TCERG1: variants seen among roughly 807,000 people sequenced by gnomAD.
TCERG1 encodes transcription elongation regulator 1, also known as TATA box binding protein (TBP)-associated factor, RNA polymerase II, S, 150kD.
A neutral mutation model predicts 144.7 loss-of-function variants in TCERG1; 37 were observed. The observed-to-expected ratio is 0.26, with a 90% CI of 0.20 to 0.34. The LOEUF is 0.34. Among genes scored for constraint, TCERG1 ranks in the 10% least tolerant of loss-of-function variants. TCERG1 has a pLI of 1.00. For synonymous variants in TCERG1, 492 were observed against 458.2 expected, an observed-to-expected ratio of 1.07 and a Z score of -0.94; for missense variants, 1,027 against 1,380.7, an observed-to-expected ratio of 0.74 and a Z score of 4.06.
chr5:146,463,094 A>G (rs1581410971), intron 4 of TCERG1, among the ~76,000 whole-genome samples: 2 of 151,930 alleles, frequency 1.3e-5, no homozygotes, highest in African/African-American at 4.8e-5. Context: ...CACACAACTC[A>G]CTAGTTTTGT....
chr5:146,485,937 C>T (rs1022471732), intron 15 of TCERG1, among the ~76,000 whole-genome samples: 4 of 152,170 alleles, frequency 2.6e-5, no homozygotes, highest in African/African-American at 7.2e-5. Flanking sequence ...TCAAGTAATC[C>T]GCCTGCCTTG....
rs763231867 is a variant in TCERG1 at position 146,509,246 on chromosome 5, G to T, written c.3146+1G>T. ...AAGAGACCAAATTTATAACATATAG[G>T]TGTGTGCAATGAAATGTTTCATATT... On this transcript the variant is annotated splice_donor_variant, in intron 22 of 22. Transcript: ENST00000679501. LOFTEE classifies it high-confidence loss of function. 6.3e-7 allele frequency: 1 copy of T among 1,589,866 alleles called. No homozygotes were observed. Among genetic ancestry groups the T allele is most frequent in the South Asian group, 1.1e-5 (1 of 88,048 alleles).
intron 14 of TCERG1, 140 bp from the exon 15 acceptor site, chr5:146,483,400 G>A (rs1765535365): frequency 3.1e-6 from 2 of 652,002 alleles, no homozygotes; most frequent in Non-Finnish European, 5.0e-6. Flanking sequence ...CCCACTGCTT[G>A]TCATTTATTA....
intron 16 of TCERG1, among the ~76,000 whole-genome samples, chr5:146,494,931 T>C (rs1174758542): frequency 1.3e-5 from 2 of 152,184 alleles, no homozygotes; most frequent in Non-Finnish European, 2.9e-5. Context: ...ATCCTGTTTG[T>C]TTTAAAGTAG....
At chr5:146,508,292 A>C (rs991915247) in intron 21 of TCERG1, among the ~76,000 whole-genome samples, 4 of 152,158 alleles carry the variant, frequency 2.6e-5, no homozygotes, top group African/African-American at 9.7e-5. Context: ...AAAGCACTTG[A>C]CTCTTAAGCC....
rs1170672798 is a variant in TCERG1 at position 146,507,330 on chromosome 5, T to C, written c.2961+123T>C. 7 of 894,294 alleles carry C rather than the reference T, an allele frequency of 7.8e-6. No individual in the cohort carries two copies. Among genetic ancestry groups the C allele is most frequent in the East Asian group, 2.9e-5 (1 of 35,052 alleles). The allele number at this position is 894,294 out of a possible 1,614,324, so 55.4% of individuals were successfully genotyped here. A position where few individuals can be genotyped will look rare whatever the true frequency, so the allele number is the denominator to read the frequency against. On this transcript the variant is annotated intron_variant, in intron 20 of 22. Transcript: ENST00000679501. The surrounding 1 kb of genome is among the most constrained non-coding windows in gnomAD (Gnocchi z 4.6). Reference sequence around the variant, plus strand: ...AGATTCATTACTGGAATGCATCTTATGACAATTCTCTGATTTTAAAAAATT... The same window carrying C: ...AGATTCATTACTGGAATGCATCTTACGACAATTCTCTGATTTTAAAAAATT...
At chr5:146,448,483 G>A (rs1203762419) in intron 1 of TCERG1, among the ~76,000 whole-genome samples, 1 of 152,192 alleles carries the variant, frequency 6.6e-6, no homozygotes, top group African/African-American at 2.4e-5. Flanking sequence ...CTGTATGGGA[G>A]AAATGGCATT....
At position 146,503,535 on chromosome 5, in the gene TCERG1, C is replaced by T. The variant is rs774211458; in HGVS notation, c.2594C>T (p.Ala865Val). 1 of 1,613,000 alleles carries T rather than the reference C, an allele frequency of 6.2e-7. No homozygotes were observed. The highest frequency in any genetic ancestry group is 8.5e-7 in the Non-Finnish European group (1 of 1,179,436). ...TTCAAACAGTACATTGAAAAAATAGCCAAGGTAACTGTTGTGTTTACTTGT... is the reference window on the plus strand; with the variant it reads ...TTCAAACAGTACATTGAAAAAATAGTCAAGGTAACTGTTGTGTTTACTTGT... ...DLFKQYIEKI[A>V]KNLDSEKEKE... The change falls in exon 18 of 23, where the codon GCC becomes GTC. Residue 865 changes from alanine (A) to valine (V), a missense_variant. Ala to Val is a moderately conservative substitution (Grantham distance 64). Coordinates refer to ENST00000679501, the MANE Select transcript of TCERG1 (RefSeq NM_001382548.1).
In TCERG1 at chr5:146,458,945, T is replaced by C; in HGVS notation, c.500T>C (p.Val167Ala). ...SAWTKPDGVK[V>A]IQQSELTPML... ...TGGACCAAGCCAGATGGAGTTAAGG[T>C]TATTCAGCAATCAGAACTGACACCT... The change falls in exon 4 of 23, where the codon GTT becomes GCT. Residue 167 changes from valine to alanine, a missense_variant. By Grantham distance (64) the Val-to-Ala change is moderately conservative (BLOSUM62 0). Coordinates refer to ENST00000679501, the MANE Select transcript of TCERG1 (RefSeq NM_001382548.1). 6.2e-7 allele frequency: 1 copy of C among 1,614,184 alleles called. No individual in the cohort carries two copies. The highest frequency in any genetic ancestry group is 8.5e-7 in the Non-Finnish European group (1 of 1,180,034).
At chr5:146,475,010 CT>C (rs1165312722) in intron 9 of TCERG1, among the ~76,000 whole-genome samples, 2 of 152,030 alleles carry the variant, frequency 1.3e-5, no homozygotes, top group African/African-American at 4.8e-5. Context: ...TTGTTTTTCC[CT>C]TTTCTTCCTT....
At chr5:146,491,731 T>G (rs967570169) in intron 15 of TCERG1, among the ~76,000 whole-genome samples, 1 of 152,190 alleles carries the variant, frequency 6.6e-6, no homozygotes, top group African/African-American at 2.4e-5. Context: ...TTTTACTTTC[T>G]AGAGCAGGCA....
chr5:146,496,438 A>G (rs914707518), intron 16 of TCERG1, among the ~76,000 whole-genome samples: 13 of 152,026 alleles, frequency 8.6e-5, no homozygotes, highest in East Asian at 1.9e-4. Context: ...TCTTTTTTCT[A>G]TCTCCTCTTT....
intron 15 of TCERG1, among the ~76,000 whole-genome samples, chr5:146,487,210 A>T (rs894921292): frequency 1.3e-5 from 2 of 152,224 alleles, no homozygotes; most frequent in African/African-American, 4.8e-5. Flanking sequence ...CCCATTTACA[A>T]TAGTGCCAAA....
chr5:146,496,106 C>T (rs376186115), intron 16 of TCERG1, among the ~76,000 whole-genome samples: 50 of 152,262 alleles, frequency 3.3e-4, no homozygotes, highest in Admixed American at 3.2e-3. Flanking sequence ...GAGCCAAGAT[C>T]GCGCCACTGG....
In TCERG1 at chr5:146,507,013, AT is replaced by A; in HGVS notation, c.2782-9del. 6.4e-7 allele frequency: 1 copy of A among 1,550,736 alleles called. No individual in the cohort carries two copies. Among genetic ancestry groups the A allele is most frequent in the Non-Finnish European group, 8.7e-7 (1 of 1,154,888 alleles). On this transcript the variant is annotated splice_polypyrimidine_tract_variant and intron_variant, in intron 19 of 22. Coordinates refer to ENST00000679501, the MANE Select transcript of TCERG1 (RefSeq NM_001382548.1). This position sits in a 1 kb window ranked among gnomAD's most constrained non-coding sequence, Gnocchi z 4.6. ...AAGTCTCTTTGGTGATATATATATA[AT>A]TTTTTCTCTTCAGGTACGTTCTTCA...
At position 146,511,615 on chromosome 5, in the gene TCERG1, T is replaced by C. The variant is rs975649776; in HGVS notation, c.*973T>C. On this transcript the variant is annotated 3_prime_UTR_variant, in exon 23 of 23. Coordinates refer to ENST00000679501, the MANE Select transcript of TCERG1 (RefSeq NM_001382548.1). Reference sequence around the variant, plus strand: ...CACAAAGTAAGTTGACTCTAAATCTTAAGTATTACCTAGTTTTTAAAGGTT... The same window carrying C: ...CACAAAGTAAGTTGACTCTAAATCTCAAGTATTACCTAGTTTTTAAAGGTT... The C allele has an allele frequency of 1.3e-5, 2 of 152,648 alleles. No homozygotes were observed. The highest frequency in any genetic ancestry group is 2.9e-5 in the Non-Finnish European group (2 of 68,042). 9.5% of individuals were successfully genotyped at this position (152,648 alleles called of 1,614,324 possible). A position where few individuals can be genotyped will look rare whatever the true frequency, so the allele number is the denominator to read the frequency against.
chr5:146,471,829 C>T (rs937871957), intron 9 of TCERG1, among the ~76,000 whole-genome samples: 4 of 152,116 alleles, frequency 2.6e-5, no homozygotes, highest in African/African-American at 9.7e-5. Context: ...GATCTCTTGA[C>T]CTCGTGATCC....
chr5:146,498,838 AT>A (rs1767171198), intron 17 of TCERG1, 152 bp downstream of exon 17: 2 of 765,660 alleles, frequency 2.6e-6, no homozygotes, highest in Non-Finnish European at 1.9e-6. Flanking sequence ...TTATTTATGT[AT>A]GTATGTATTC....
chr5:146,482,725 G>A lies in TCERG1; in HGVS notation c.2071G>A (p.Gly691Arg). The change falls in exon 14 of 23, where the codon GGG becomes AGG. Residue 691 changes from glycine to arginine, a missense_variant and splice_region_variant. Gly to Arg is a moderately radical substitution (Grantham distance 125, BLOSUM62 -2). Around this residue, in one of 6 missense-constraint regions of TCERG1, gnomAD observed 482 missense variants for 632.6 expected, o/e 0.76. Coordinates refer to ENST00000679501, the MANE Select transcript of TCERG1 (RefSeq NM_001382548.1). ...KQFKDMLLER[G>R]VSAFSTWEKE... The stretch of plus-strand genomic sequence containing the variant: ...GTTCAAGGACATGCTGCTAGAGAGA[G>A]GGGTCAGAAAACAATCTTTGGGGGA... The A allele has an allele frequency of 3.7e-6, 6 of 1,604,672 alleles. No homozygotes were observed. Among genetic ancestry groups the A allele is most frequent in the Non-Finnish European group, 3.4e-6 (4 of 1,175,238 alleles).
Sources: allele counts gnomAD v4.1 joint callset (sites outside exome capture counted in the v4.1 genomes callset), GRCh38; gene constraint gnomAD v4.1.1; regional missense constraint gnomAD v4.1.1; non-coding constraint Gnocchi (gnomAD v3.1); transcripts MANE v1.5; gene names NCBI Gene and HGNC (gene_info 2026-07-23, HGNC 2026-07-21).